The following SPIDR variants were observed in gnomAD, a reference collection of about 807,000 sequenced individuals.
SPIDR encodes DNA repair-scaffolding protein.
SPIDR carries 93 observed loss-of-function variants against 104.6 expected under a neutral mutation model. That is an observed-to-expected ratio of 0.89 (90% confidence interval 0.75 to 1.06). The LOEUF is 1.06. SPIDR is among the 50% of genes least tolerant of loss of function. SPIDR has a pLI of 0.00. For missense variants in SPIDR, 1,154 were observed against 1,111.2 expected (o/e 1.04, Z -0.55); for synonymous variants, 431 against 416.9 (o/e 1.03, Z -0.41).
At chr8:47,262,507 G>T (rs1211306305) in intron 1 of SPIDR, among the ~76,000 whole-genome samples, 2 of 152,194 alleles carry the variant, frequency 1.3e-5, no homozygotes, top group Non-Finnish European at 2.9e-5. Context: ...TCAAATAAAG[G>T]GTCGTTGGAG....
rs2084837088 is a variant in SPIDR at position 47,729,399 on chromosome 8, T to TCTGCTGTTG, written c.2551-11_2551-3dup. ...GGAGGGAGTTTAACCCAGCCCTGCT[T>TCTGCTGTTG]CTGCTGTTGCAGCTGTTGCAGCGCA... On this transcript the variant is annotated splice_polypyrimidine_tract_variant and intron_variant, in intron 18 of 19. Transcript: ENST00000297423. The TCTGCTGTTG allele has an allele frequency of 6.3e-7, 1 of 1,585,268 alleles. No homozygotes were observed. Among genetic ancestry groups the TCTGCTGTTG allele is most frequent in the Non-Finnish European group, 8.6e-7 (1 of 1,165,670 alleles).
intron 7 of SPIDR, among the ~76,000 whole-genome samples, chr8:47,413,314 C>T (rs781936650): frequency 2.0e-4 from 31 of 152,242 alleles, no homozygotes; most frequent in Non-Finnish European, 5.9e-5. Context: ...CCAGTCCAAG[C>T]TCCTCTTTGG....
intron 5 of SPIDR, among the ~76,000 whole-genome samples, chr8:47,344,314 C>A (rs1355000354): frequency 6.6e-6 from 1 of 152,172 alleles, no homozygotes; most frequent in African/African-American, 2.4e-5. Context: ...TTTTTTATGG[C>A]TGCATGGTAT....
intron 8 of SPIDR, among the ~76,000 whole-genome samples, chr8:47,526,415 C>A (rs578210928): frequency 1.3e-5 from 2 of 152,292 alleles, no homozygotes; most frequent in Admixed American, 6.5e-5. Flanking sequence ...AAATTTAAGG[C>A]ATGGATTTTG....
At chr8:47,346,103 T>C (rs1554617811) in intron 5 of SPIDR, among the ~76,000 whole-genome samples, 1 of 152,214 alleles carries the variant, frequency 6.6e-6, no homozygotes, top group East Asian at 1.9e-4. Context: ...TGTGGGTTTG[T>C]CATAAATAGC....
intron 5 of SPIDR, among the ~76,000 whole-genome samples, chr8:47,317,263 G>A (rs933597567): frequency 1.1e-4 from 16 of 152,092 alleles, no homozygotes; most frequent in Non-Finnish European, 2.2e-4. Flanking sequence ...CTAATACTGC[G>A]CTTTTCCAAT....
At chr8:47,328,059 T>G (rs1215376305) in intron 5 of SPIDR, among the ~76,000 whole-genome samples, 6 of 151,896 alleles carry the variant, frequency 4.0e-5, no homozygotes, top group African/African-American at 1.4e-4. Context: ...GCACAATAGT[T>G]TTTAGTTTTG....
chr8:47,279,773 C>T, intron 1 of SPIDR, 89 bp from the exon 2 acceptor site: 1 of 1,334,432 alleles, frequency 7.5e-7, no homozygotes, highest in East Asian at 2.3e-5. Context: ...TCTAGGTTTT[C>T]AGATTGTAAA....
intron 19 of SPIDR, among the ~76,000 whole-genome samples, chr8:47,730,884 G>A (rs1400076898): frequency 6.6e-6 from 1 of 152,192 alleles, no homozygotes; most frequent in Non-Finnish European, 1.5e-5. Context: ...GGATTAAATT[G>A]GAACATGGAT....
At chr8:47,606,443 G>A (rs28439682) in intron 10 of SPIDR, among the ~76,000 whole-genome samples, 4,284 of 151,960 alleles carry the variant, frequency 0.028, 214 homozygotes, top group African/African-American at 0.096. Context: ...GGAGAATGGC[G>A]TGAACCCAGG....
intron 19 of SPIDR, 78 bp downstream of exon 19, chr8:47,729,543 C>G (rs1021519327): frequency 1.4e-5 from 21 of 1,501,350 alleles, no homozygotes; most frequent in Non-Finnish European, 1.7e-5. Flanking sequence ...AGGAAGCCCC[C>G]ACTCCCAAAT....
At chr8:47,419,606 GTC>G (rs1198431226) in intron 7 of SPIDR, among the ~76,000 whole-genome samples, 1 of 152,050 alleles carries the variant, frequency 6.6e-6, no homozygotes, top group Non-Finnish European at 1.5e-5. Context: ...GGGTTTTTGT[GTC>G]TCTATTTCCT....
At chr8:47,587,774 A>C (rs968499437) in intron 8 of SPIDR, among the ~76,000 whole-genome samples, 3 of 151,414 alleles carry the variant, frequency 2.0e-5, no homozygotes, top group African/African-American at 7.3e-5. Context: ...AAACAAAAAC[A>C]AACAAAAATC....
Position 47,720,757 on chromosome 8 carries a change from A to AC in SPIDR, c.2342-6442dup, listed in dbSNP as rs1397860687. Reference sequence around the variant, plus strand: ...CCCAGTTCATGGCTTGTCTTTTCATACTTTTTTTTTTCTTTTTTGAGATGG... The same window carrying AC: ...CCCAGTTCATGGCTTGTCTTTTCATACCTTTTTTTTTTCTTTTTTGAGATGG... On this transcript the variant is annotated intron_variant, in intron 16 of 19. Coordinates refer to ENST00000297423, the MANE Select transcript of SPIDR (RefSeq NM_001080394.4). 2.0e-4 allele frequency among the ~76,000 whole-genome samples: 30 copies of AC among 150,642 alleles called. 1 individual carries two copies. The East Asian group carries it at 5.7e-3, about 28-fold the overall frequency.
chr8:47,413,568 A>T (rs1554673302), intron 7 of SPIDR, among the ~76,000 whole-genome samples: 1 of 152,216 alleles, frequency 6.6e-6, no homozygotes, highest in African/African-American at 2.4e-5. Flanking sequence ...AATTTTGCTG[A>T]TGTTATTATA....
intron 10 of SPIDR, among the ~76,000 whole-genome samples, chr8:47,657,877 A>C (rs2073148074): frequency 6.6e-6 from 1 of 151,936 alleles, no homozygotes; most frequent in Non-Finnish European, 1.5e-5. Context: ...AAAAAATTTA[A>C]AAATTTAGCT....
intron 8 of SPIDR, among the ~76,000 whole-genome samples, chr8:47,498,797 G>A (rs190331660): frequency 2.6e-4 from 40 of 152,254 alleles, no homozygotes; most frequent in African/African-American, 8.7e-4. Flanking sequence ...TAAAAGAAAG[G>A]CATAATGTTA....
At chr8:47,662,979 T>A (rs973056054) in intron 10 of SPIDR, among the ~76,000 whole-genome samples, 1 of 152,250 alleles carries the variant, frequency 6.6e-6, no homozygotes, top group Non-Finnish European at 1.5e-5. Flanking sequence ...AATACATTTC[T>A]ATTGTTTATG....
chr8:47,595,467 A>C (rs2061539077), intron 8 of SPIDR, among the ~76,000 whole-genome samples: 1 of 145,648 alleles, frequency 6.9e-6, no homozygotes, highest in Admixed American at 7.1e-5. Flanking sequence ...TGTACATTTT[A>C]TTTCATTGTT....
Sources: gnomAD v4.1 joint callset for allele counts (sites outside exome capture counted in the v4.1 genomes callset) on GRCh38, gnomAD v4.1.1 for gene constraint, MANE v1.5 for transcripts, NCBI Gene and HGNC (gene_info 2026-07-23, HGNC 2026-07-21) for gene names.